The following GPM6A variants were observed in gnomAD, a reference collection of about 807,000 sequenced individuals.
GPM6A encodes glycoprotein M6A.
A neutral mutation model predicts 32.1 loss-of-function variants in GPM6A; 7 were observed. The ratio of observed to expected loss-of-function variants is 0.22; its 90% confidence interval spans 0.12 to 0.41. The LOEUF (loss-of-function observed/expected upper bound fraction) is 0.41. GPM6A is among the 10% of genes least tolerant of loss of function. The pLI is 1.00. For synonymous variants in GPM6A, 130 were observed against 123.4 expected, an observed-to-expected ratio of 1.05 and a Z score of -0.35; for missense variants, 235 against 347.2, an observed-to-expected ratio of 0.68 and a Z score of 2.57.
intron 1 of GPM6A, among the ~76,000 whole-genome samples, chr4:175,925,835 T>TTTTC (rs1554001963): frequency 6.7e-6 from 1 of 149,966 alleles, no homozygotes; most frequent in Admixed American, 6.6e-5. Context: ...GATTCTCTTT[T>TTTTC]TTTTCTTTTC....
chr4:175,662,787 C>A (rs1048772415), intron 3 of GPM6A, among the ~76,000 whole-genome samples: 5 of 151,786 alleles, frequency 3.3e-5, no homozygotes, highest in Admixed American at 6.6e-5. Flanking sequence ...CAAGAAGATT[C>A]TATCAGGATG....
intron 1 of GPM6A, among the ~76,000 whole-genome samples, chr4:175,895,288 G>A (rs1320068965): frequency 2.0e-5 from 3 of 152,004 alleles, no homozygotes; most frequent in Non-Finnish European, 2.9e-5. Context: ...ACTCCATTTG[G>A]TTGCTATAAA....
At chr4:175,683,752 C>T (rs1248238512) in intron 2 of GPM6A, among the ~76,000 whole-genome samples, 1 of 151,968 alleles carries the variant, frequency 6.6e-6, no homozygotes, top group Admixed American at 6.6e-5. Context: ...AGGAAGATTC[C>T]TGAGGACTGC....
chr4:175,875,659 C>T (rs893766477), intron 1 of GPM6A, among the ~76,000 whole-genome samples: 4 of 152,064 alleles, frequency 2.6e-5, no homozygotes, highest in Non-Finnish European at 5.9e-5. Flanking sequence ...GCATCTCATC[C>T]CTACAAATAC....
chr4:175,814,133 A>G (rs973174566), upstream of GPM6A, among the ~76,000 whole-genome samples: 1 of 152,252 alleles, frequency 6.6e-6, no homozygotes, highest in Non-Finnish European at 1.5e-5. Context: ...ATACCATGGA[A>G]ATCATTAGTG....
intron 1 of GPM6A, among the ~76,000 whole-genome samples, chr4:175,723,358 G>A (rs1420538950): frequency 6.6e-6 from 1 of 152,166 alleles, no homozygotes; most frequent in Non-Finnish European, 1.5e-5. Context: ...ACCATTGTGT[G>A]TTAGGGTTTT....
At chr4:175,699,342 C>T (rs183628609) in intron 2 of GPM6A, among the ~76,000 whole-genome samples, 1 of 152,092 alleles carries the variant, frequency 6.6e-6, no homozygotes, top group East Asian at 1.9e-4. Flanking sequence ...GCATTGATAG[C>T]TATTGAATTT....
chr4:175,847,233 G>A (rs1425675876), intron 1 of GPM6A, among the ~76,000 whole-genome samples: 1 of 152,086 alleles, frequency 6.6e-6, no homozygotes, highest in Non-Finnish European at 1.5e-5. Context: ...TTGTTCACAT[G>A]CCCATTAAAG....
At chr4:175,964,910 T>C (rs1207908388) in intron 1 of GPM6A, among the ~76,000 whole-genome samples, 2 of 152,150 alleles carry the variant, frequency 1.3e-5, no homozygotes, top group Non-Finnish European at 2.9e-5. Context: ...TACTTAACAA[T>C]AGATTAGCAA....
chr4:175,701,947 C>G (rs961496190), intron 1 of GPM6A, among the ~76,000 whole-genome samples, 180 bp from the exon 2 acceptor site: 2 of 152,126 alleles, frequency 1.3e-5, no homozygotes, highest in Non-Finnish European at 2.9e-5. Flanking sequence ...ATAAACCCAT[C>G]CTCCACAAAT....
intron 1 of GPM6A, among the ~76,000 whole-genome samples, chr4:175,899,338 A>C (rs1737884559): frequency 6.6e-6 from 1 of 152,188 alleles, no homozygotes; most frequent in Non-Finnish European, 1.5e-5. Flanking sequence ...TTGAAGAGGC[A>C]CTTCACAAAG....
chr4:175,697,624 G>T (rs1050611911), intron 2 of GPM6A, among the ~76,000 whole-genome samples: 1 of 152,124 alleles, frequency 6.6e-6, no homozygotes, highest in Non-Finnish European at 1.5e-5. Flanking sequence ...GGGATTAAAA[G>T]CTTCTGGGGA....
At chr4:175,855,765 T>G (rs1736396493) in intron 1 of GPM6A, among the ~76,000 whole-genome samples, 1 of 152,184 alleles carries the variant, frequency 6.6e-6, no homozygotes, top group South Asian at 2.1e-4. Context: ...AGTTGAAGAT[T>G]TAAGAACTTA....
At chr4:175,787,653 T>C (rs1450091878) in intron 1 of GPM6A, 6 of 1,207,388 alleles carry the variant, frequency 5.0e-6, no homozygotes, top group East Asian at 7.8e-5. Flanking sequence ...TAACTCTTCC[T>C]AGTCAGACAA....
intron 1 of GPM6A, among the ~76,000 whole-genome samples, chr4:175,716,432 G>A (rs1389851618): frequency 1.3e-5 from 2 of 152,028 alleles, no homozygotes; most frequent in Non-Finnish European, 2.9e-5. Context: ...TGCTGGAGAG[G>A]TAATTCAAAA....
intron 2 of GPM6A, among the ~76,000 whole-genome samples, chr4:175,678,254 G>A (rs1197870556): frequency 1.3e-5 from 2 of 152,098 alleles, no homozygotes; most frequent in Admixed American, 6.6e-5. Context: ...AAGTGAAGAA[G>A]GGGTCATGGT....
upstream of GPM6A, among the ~76,000 whole-genome samples, chr4:175,814,337 G>C (rs1361867691): frequency 1.3e-5 from 2 of 152,142 alleles, no homozygotes; most frequent in Non-Finnish European, 2.9e-5. Context: ...TAGAGACTGG[G>C]CTAATAAATC....
In GPM6A at chr4:175,820,500, C is replaced by CTTTT. The variant is rs66569311; in HGVS notation, c.-22-8255_-22-8252dup. On this transcript the variant is annotated intron_variant, in intron 1 of 7. Coordinates refer to the GPM6A transcript ENST00000280187. ...GTAGGTTTTCTTTTTTCTTTTCTTT[C>CTTTT]TTTTTTTTTTTTTTTTTTGAGATGG... Among the ~76,000 whole-genome samples the CTTTT allele has an allele frequency of 5.3e-4, 59 of 112,114 alleles. 1 individual carries two copies. The highest frequency in any genetic ancestry group is 8.7e-4 in the South Asian group (3 of 3,430). 73.6% of individuals were successfully genotyped at this position (112,114 alleles called of 152,430 possible). A position where few individuals can be genotyped will look rare whatever the true frequency, so the allele number is the denominator to read the frequency against.
At chr4:175,801,649 T>C (rs899691258) in intron 1 of GPM6A, among the ~76,000 whole-genome samples, 10 of 152,074 alleles carry the variant, frequency 6.6e-5, no homozygotes, top group South Asian at 2.1e-4. Context: ...ATACACTATG[T>C]TTTTTAATAC....
Sources: gnomAD v4.1 joint callset for allele counts (sites outside exome capture counted in the v4.1 genomes callset) on GRCh38, gnomAD v4.1.1 for gene constraint, MANE v1.5 for transcripts, NCBI Gene and HGNC (gene_info 2026-07-23, HGNC 2026-07-21) for gene names.